TOX: variants seen among roughly 807,000 people sequenced by gnomAD.
TOX encodes thymocyte selection associated high mobility group box.
Under a neutral mutation model 53.7 loss-of-function variants are expected in TOX, and 11 were observed. That is an observed-to-expected ratio of 0.20 (90% CI 0.13 to 0.34). TOX has a LOEUF of 0.34. TOX is among the 10% of genes least tolerant of loss of function. The pLI is 1.00. For synonymous variants in TOX, 225 were observed against 245.3 expected, an observed-to-expected ratio of 0.92 and a Z score of 0.77; for missense variants, 570 against 664.6, an observed-to-expected ratio of 0.86 and a Z score of 1.56.
intron 1 of TOX, among the ~76,000 whole-genome samples, chr8:59,059,922 T>C (rs1029978880): frequency 2.0e-5 from 3 of 150,378 alleles, no homozygotes; most frequent in Admixed American, 6.7e-5. Flanking sequence ...AAAAAAAAAA[T>C]CTTTTAGAAA....
At chr8:58,838,450 TTGTTA>T in intron 4 of TOX, 139 bp from the exon 5 acceptor site, 1 of 675,942 alleles carries the variant, frequency 1.5e-6, no homozygotes, top group Admixed American at 3.0e-5. Flanking sequence ...ACACATTGTT[TTGTTA>T]TTTTTTTTTC....
Position 58,851,497 on chromosome 8 carries a change from T to C in TOX, c.693+27A>G. ...GAAGGTGCCTAAGAATAGTCTCCCA[T>C]AGGTCCTAAAAATAACTTATTCATA... On this transcript the variant is annotated intron_variant, in intron 4 of 8. Coordinates refer to ENST00000361421, the MANE Select transcript of TOX (RefSeq NM_014729.3). This position sits in a 1 kb window ranked among gnomAD's most constrained non-coding sequence, Gnocchi z 4.4. 6.2e-7 allele frequency: 1 copy of C among 1,609,758 alleles called. No individual in the cohort carries two copies.
chr8:59,001,409 A>T (rs565840964), intron 1 of TOX, among the ~76,000 whole-genome samples: 1 of 152,304 alleles, frequency 6.6e-6, no homozygotes, highest in African/African-American at 2.4e-5. Context: ...ACCCTAAAAA[A>T]TTCACTCAGA....
chr8:58,841,608 T>A (rs1810643664), intron 4 of TOX, among the ~76,000 whole-genome samples: 1 of 152,178 alleles, frequency 6.6e-6, no homozygotes, highest in South Asian at 2.1e-4. Context: ...TGACTATAGT[T>A]AGTACTGTGT....
intron 4 of TOX, among the ~76,000 whole-genome samples, chr8:58,839,633 A>G (rs983370746): frequency 1.3e-5 from 2 of 152,250 alleles, no homozygotes; most frequent in Non-Finnish European, 2.9e-5. Context: ...CTACATGAAT[A>G]CAAAATAGGG....
chr8:58,905,672 G>C (rs1811800653), intron 3 of TOX, among the ~76,000 whole-genome samples: 1 of 152,186 alleles, frequency 6.6e-6, no homozygotes, highest in Non-Finnish European at 1.5e-5. Context: ...TGCTTTGTAT[G>C]GGGATAGATT....
At chr8:59,040,736 A>C (rs928890177) in intron 1 of TOX, among the ~76,000 whole-genome samples, 1 of 152,224 alleles carries the variant, frequency 6.6e-6, no homozygotes, top group Admixed American at 6.5e-5. Context: ...AGGGTAGTTC[A>C]GGAAGAATCA....
At chr8:58,855,540 C>A (rs1810900383) in intron 3 of TOX, among the ~76,000 whole-genome samples, 1 of 152,092 alleles carries the variant, frequency 6.6e-6, no homozygotes, top group Non-Finnish European at 1.5e-5. Context: ...TTCCATCTGC[C>A]CTTCCACCCG....
intron 1 of TOX, among the ~76,000 whole-genome samples, chr8:58,970,065 TATC>T (rs1812975380): frequency 6.6e-6 from 1 of 152,196 alleles, no homozygotes; most frequent in Non-Finnish European, 1.5e-5. Context: ...AAAAATGTGA[TATC>T]ATTCATTCAT....
rs142139522 is a variant in TOX, at chr8:59,075,202, T to C, written c.102+43684A>G. The stretch of plus-strand genomic sequence containing the variant: ...AGGGAGACAGTGGATAAATTTGGCT[T>C]TGGAAATGTCGGCCTGAAAACATCT... On this transcript the variant is annotated intron_variant, in intron 1 of 8. Coordinates refer to ENST00000361421, the MANE Select transcript of TOX (RefSeq NM_014729.3). Among the ~76,000 whole-genome samples, 10 of 152,302 alleles carry C rather than the reference T, an allele frequency of 6.6e-5. No individual in the cohort carries two copies. In the East Asian group the frequency reaches 1.5e-3, roughly 23 times the overall value.
intron 1 of TOX, among the ~76,000 whole-genome samples, chr8:58,961,477 G>C (rs1422042176): frequency 1.3e-5 from 2 of 151,930 alleles, no homozygotes; most frequent in African/African-American, 4.8e-5. Flanking sequence ...ACTGGCTCAT[G>C]AACCCGGAGT....
chr8:59,000,302 GA>G (rs1395822262), intron 1 of TOX, among the ~76,000 whole-genome samples: 4 of 152,068 alleles, frequency 2.6e-5, no homozygotes, highest in African/African-American at 7.2e-5. Flanking sequence ...GATAAGAAAG[GA>G]AAATTGTGGC....
intron 1 of TOX, among the ~76,000 whole-genome samples, chr8:58,976,079 A>G (rs1489564824): frequency 6.6e-6 from 1 of 152,186 alleles, no homozygotes; most frequent in East Asian, 1.9e-4. Context: ...TAATAAAAAA[A>G]AAAAAATGAA....
chr8:59,087,694 G>C (rs1034686644), intron 1 of TOX, among the ~76,000 whole-genome samples: 1 of 152,260 alleles, frequency 6.6e-6, no homozygotes, highest in African/African-American at 2.4e-5. Flanking sequence ...TAAAATGTTC[G>C]AGATGTTGGA....
At chr8:58,939,690 C>G in intron 2 of TOX, 146 bp from the exon 3 acceptor site, 1 of 1,179,070 alleles carries the variant, frequency 8.5e-7, no homozygotes. Flanking sequence ...ATCCTGCTGC[C>G]ATTTCATCAT....
chr8:59,009,880 G>C (rs1288561428), intron 1 of TOX, among the ~76,000 whole-genome samples: 1 of 152,180 alleles, frequency 6.6e-6, no homozygotes, highest in Non-Finnish European at 1.5e-5. Context: ...AGGGAGATGT[G>C]AAACTAACAA....
chr8:58,993,144 T>C (rs1813487807), intron 1 of TOX, among the ~76,000 whole-genome samples: 1 of 152,130 alleles, frequency 6.6e-6, no homozygotes, highest in African/African-American at 2.4e-5. Context: ...GTAACCGTCC[T>C]GTTCTGGGGA....
chr8:59,013,546 A>T (rs1210475629), intron 1 of TOX, among the ~76,000 whole-genome samples: 1 of 151,896 alleles, frequency 6.6e-6, no homozygotes, highest in African/African-American at 2.4e-5. Context: ...GAGTAGCTGG[A>T]ACTACAGCCA....
At chr8:59,072,376 T>C (rs1430235993) in intron 1 of TOX, among the ~76,000 whole-genome samples, 1 of 152,164 alleles carries the variant, frequency 6.6e-6, no homozygotes, top group Non-Finnish European at 1.5e-5. Context: ...TTTCCTGGTG[T>C]TTTGCCACTG....
Sources: allele counts gnomAD v4.1 joint callset (sites outside exome capture counted in the v4.1 genomes callset), GRCh38; gene constraint gnomAD v4.1.1; non-coding constraint Gnocchi (gnomAD v3.1); transcripts MANE v1.5; gene names NCBI Gene and HGNC (gene_info 2026-07-23, HGNC 2026-07-21).